The following GPR89B variants were observed in gnomAD, a reference collection of about 807,000 sequenced individuals.
GPR89B encodes the protein G protein-coupled receptor 89B.
Under a neutral mutation model 52.4 loss-of-function variants are expected in GPR89B, and 25 were observed. The ratio of observed to expected loss-of-function variants is 0.48; its 90% CI spans 0.35 to 0.67. The LOEUF is 0.67. Among genes scored for constraint, GPR89B ranks in the 30% least tolerant of loss-of-function variants. The probability of loss-of-function intolerance (pLI) is 0.01; values close to 1 mark genes in which losing one functional copy is unlikely to be tolerated. For missense variants in GPR89B, 146 were observed against 450.2 expected, an observed-to-expected ratio of 0.32 and a Z score of 6.11; for synonymous variants, 52 against 151.2, an observed-to-expected ratio of 0.34 and a Z score of 4.81.
the GPR89B span, among the ~76,000 whole-genome samples, chr1:148,015,293 ATC>A: frequency 0.046 from 3,245 of 69,814 alleles, 180 homozygotes; most frequent in East Asian, 0.18. Flanking sequence ...GGATTCTAGG[ATC>A]TCTCTCTCTC....
intron 5 of GPR89B, among the ~76,000 whole-genome samples, chr1:147,947,423 A>G (rs1301612340): frequency 1.3e-5 from 2 of 152,044 alleles, no homozygotes; most frequent in East Asian, 1.9e-4. Context: ...GTCTGAACCA[A>G]CCTTGGAATG....
the GPR89B span, among the ~76,000 whole-genome samples, chr1:147,998,733 T>C: frequency 5.3e-5 from 8 of 151,080 alleles, no homozygotes; most frequent in Admixed American, 2.6e-4. Context: ...ATATAAAAAT[T>C]AGCCAGGTGT....
chr1:147,980,900 C>T (rs1658199269), intron 10 of GPR89B, among the ~76,000 whole-genome samples: 1 of 149,108 alleles, frequency 6.7e-6, no homozygotes, highest in Non-Finnish European at 1.5e-5. Context: ...TTCCCACTCC[C>T]TCAGCCCTTA....
At chr1:148,020,138 AGAC>A in the GPR89B span, among the ~76,000 whole-genome samples, 2 of 145,988 alleles carry the variant, frequency 1.4e-5, no homozygotes. Flanking sequence ...GGCAAAGAGA[AGAC>A]ATCAACAAGC....
chr1:147,975,948 T>A (rs1657798228), intron 10 of GPR89B, among the ~76,000 whole-genome samples: 2 of 152,158 alleles, frequency 1.3e-5, no homozygotes. Context: ...TGTTCAATTT[T>A]CATGTAGTTG....
chr1:148,007,978 CAT>C, the GPR89B span, among the ~76,000 whole-genome samples: 1 of 151,968 alleles, frequency 6.6e-6, no homozygotes, highest in Non-Finnish European at 1.5e-5. Context: ...TTACACTACT[CAT>C]AATGGTTCAC....
At chr1:147,938,417 GT>G (rs1219943674) in intron 2 of GPR89B, among the ~76,000 whole-genome samples, 1 of 148,388 alleles carries the variant, frequency 6.7e-6, no homozygotes, top group Non-Finnish European at 1.5e-5. Flanking sequence ...GAATCTGTCA[GT>G]TTTTTGTCAG....
rs7552095 is a variant in GPR89B, at chr1:147,928,548, G to C, written c.12G>C (p.Leu4=). The C allele has an allele frequency of 5.3e-5, 85 of 1,613,550 alleles. No individual in the cohort carries two copies. Among genetic ancestry groups the C allele is most frequent in the Admixed American group, 1.7e-4 (10 of 60,014 alleles). The change falls in exon 1 of 14, where the codon CTG becomes CTC. Residue 4 remains leucine, a synonymous_variant. Transcript: ENST00000314163. ...CCTTACACTTCGCCATGAGTTTCCTGATCGACTCCAGCATCATGATTACCT... is the reference window on the plus strand; with the variant it reads ...CCTTACACTTCGCCATGAGTTTCCTCATCGACTCCAGCATCATGATTACCT... MSF[L]IDSSIMITSQ... is the part of the protein sequence containing the mutation.
At chr1:147,962,278 G>A (rs1656637063) in intron 7 of GPR89B, among the ~76,000 whole-genome samples, 1 of 151,390 alleles carries the variant, frequency 6.6e-6, no homozygotes, top group African/African-American at 2.4e-5. Context: ...ACAAAAATTA[G>A]CTGGACATGG....
At chr1:148,017,655 G>A in the GPR89B span, among the ~76,000 whole-genome samples, 15,703 of 149,390 alleles carry the variant, frequency 0.11, 1,188 homozygotes, top group African/African-American at 0.19. Flanking sequence ...GGAGAATGGC[G>A]TGAACCTGGG....
At chr1:148,001,859 G>A in the GPR89B span, among the ~76,000 whole-genome samples, 41 of 151,788 alleles carry the variant, frequency 2.7e-4, no homozygotes, top group Non-Finnish European at 3.8e-4. Flanking sequence ...GTAGCCACGC[G>A]TCTTATGTAA....
At chr1:147,990,768 G>A (rs1366979201) in intron 12 of GPR89B, among the ~76,000 whole-genome samples, 2 of 151,272 alleles carry the variant, frequency 1.3e-5, no homozygotes, top group Non-Finnish European at 2.9e-5. Flanking sequence ...TAGATGTGTG[G>A]TATTATTTCT....
intron 3 of GPR89B, among the ~76,000 whole-genome samples, chr1:147,941,896 T>A (rs1654588376): frequency 1.3e-5 from 2 of 151,448 alleles, no homozygotes; most frequent in South Asian, 4.2e-4. Context: ...TTCCTTATAG[T>A]TCATTTCATC....
At chr1:147,987,941 T>C (rs1180757136) in intron 11 of GPR89B, among the ~76,000 whole-genome samples, 4 of 152,142 alleles carry the variant, frequency 2.6e-5, no homozygotes, top group African/African-American at 9.7e-5. Context: ...TATTCATAGA[T>C]AGAAAATAAT....
At chr1:147,935,955 C>G (rs1553247796) in intron 1 of GPR89B, among the ~76,000 whole-genome samples, 1 of 152,018 alleles carries the variant, frequency 6.6e-6, no homozygotes, top group African/African-American at 2.4e-5. Context: ...GTTGGCCAGG[C>G]TAGTATTATT....
chr1:147,949,245 C>T (rs1490183057), intron 5 of GPR89B, among the ~76,000 whole-genome samples: 1 of 152,022 alleles, frequency 6.6e-6, no homozygotes, highest in Non-Finnish European at 1.5e-5. Flanking sequence ...CCGCCATTGT[C>T]ATCATGGCCC....
At chr1:147,995,165 G>A (rs1659284592), downstream of GPR89B, among the ~76,000 whole-genome samples, 1 of 151,242 alleles carries the variant, frequency 6.6e-6, no homozygotes. Flanking sequence ...CTTTAATATA[G>A]TTAATCTTAG....
At chr1:147,939,692 T>C (rs1349214577) in intron 3 of GPR89B, among the ~76,000 whole-genome samples, 15 of 151,930 alleles carry the variant, frequency 9.9e-5, no homozygotes, top group African/African-American at 3.4e-4. Context: ...CACAAAACAT[T>C]GAAAGGTTAA....
At chr1:147,959,557 G>A (rs1434614012) in intron 7 of GPR89B, among the ~76,000 whole-genome samples, 4 of 151,848 alleles carry the variant, frequency 2.6e-5, no homozygotes, top group African/African-American at 9.7e-5. Flanking sequence ...CACCCTCCCA[G>A]CACCCACTCA....
Sources: gnomAD v4.1 joint callset for allele counts (sites outside exome capture counted in the v4.1 genomes callset) on GRCh38, gnomAD v4.1.1 for gene constraint, MANE v1.5 for transcripts, NCBI Gene and HGNC (gene_info 2026-07-23, HGNC 2026-07-21) for gene names.